HPSE2: variants seen among roughly 807,000 people sequenced by gnomAD.
HPSE2 encodes inactive heparanase-2.
Under a neutral mutation model 60.5 loss-of-function variants are expected in HPSE2, and 38 were observed. The observed-to-expected ratio is 0.63, with a 90% CI of 0.48 to 0.82. HPSE2 has a LOEUF of 0.82. HPSE2 is among the 40% of genes least tolerant of loss of function. The probability of loss-of-function intolerance (pLI) is 0.00; values close to 1 mark genes in which losing one functional copy is unlikely to be tolerated. For synonymous variants in HPSE2, 295 were observed against 293.2 expected, an observed-to-expected ratio of 1.01 and a Z score of -0.06; for missense variants, 713 against 740.4, an observed-to-expected ratio of 0.96 and a Z score of 0.43.
chr10:99,025,516 G>A (rs1205470430), intron 3 of HPSE2, among the ~76,000 whole-genome samples: 1 of 152,044 alleles, frequency 6.6e-6, no homozygotes, highest in East Asian at 1.9e-4. Flanking sequence ...ATACTACACA[G>A]CCATAAAAAA....
chr10:99,177,492 C>T (rs960344707), intron 2 of HPSE2, among the ~76,000 whole-genome samples: 1 of 151,984 alleles, frequency 6.6e-6, no homozygotes, highest in Non-Finnish European at 1.5e-5. Flanking sequence ...ATATAACAGA[C>T]TTTAAACCAA....
intron 3 of HPSE2, among the ~76,000 whole-genome samples, chr10:98,968,043 C>T (rs962451062): frequency 6.6e-6 from 1 of 152,128 alleles, no homozygotes; most frequent in Admixed American, 6.6e-5. Context: ...CTTCCCCCTC[C>T]CTATACATCC....
At chr10:99,086,652 G>A (rs1040236359) in intron 3 of HPSE2, among the ~76,000 whole-genome samples, 4 of 152,064 alleles carry the variant, frequency 2.6e-5, no homozygotes, top group Non-Finnish European at 5.9e-5. Context: ...GCGCCCGGCC[G>A]GAAAAGTACT....
intron 3 of HPSE2, among the ~76,000 whole-genome samples, chr10:99,096,915 A>T (rs1293560892): frequency 6.6e-6 from 1 of 152,190 alleles, no homozygotes; most frequent in African/African-American, 2.4e-5. Context: ...CAGAGACTTG[A>T]GACAAATGCA....
intron 9 of HPSE2, among the ~76,000 whole-genome samples, chr10:98,590,128 C>T (rs540989724): frequency 6.6e-6 from 1 of 152,234 alleles, no homozygotes; most frequent in Non-Finnish European, 1.5e-5. Flanking sequence ...CTAACACCAA[C>T]CCCCAAAGCC....
At chr10:98,586,639 C>T (rs1944947966) in intron 9 of HPSE2, among the ~76,000 whole-genome samples, 1 of 152,158 alleles carries the variant, frequency 6.6e-6, no homozygotes, top group Non-Finnish European at 1.5e-5. Context: ...TTCTGAGACT[C>T]TTTGTAAAAT....
In HPSE2 at chr10:98,914,299, T is replaced by A. The variant is rs184538438; in HGVS notation, c.611-170243A>T. ...GCTCCTCCTTGCTTTCCACCATGAT[T>A]GTGAGGCTTCCCCAGCCAGGTGGAA... On this transcript the variant is annotated intron_variant, in intron 3 of 11. Coordinates refer to ENST00000370552, the MANE Select transcript of HPSE2 (RefSeq NM_021828.5). Among the ~76,000 whole-genome samples the A allele has an allele frequency of 5.9e-5, 9 of 152,232 alleles. No individual in the cohort carries two copies. The East Asian group carries it at 1.7e-3, about 29-fold the overall frequency.
Position 98,504,152 on chromosome 10 carries a change from C to A in HPSE2, c.1321-13956G>T, listed in dbSNP as rs1942117599. On this transcript the variant is annotated intron_variant, in intron 9 of 11. Coordinates refer to ENST00000370552, the MANE Select transcript of HPSE2 (RefSeq NM_021828.5). ...CTTCAGGAATCTATTAGATCTCTAT[C>A]CTCAGTTCTGCACATCATCTCCTTT... is the stretch of plus-strand genomic sequence containing the variant. 2.0e-5 allele frequency among the ~76,000 whole-genome samples: 3 copies of A among 152,116 alleles called. No homozygotes were observed. The South Asian group carries it at 6.2e-4, about 32-fold the overall frequency.
intron 10 of HPSE2, among the ~76,000 whole-genome samples, chr10:98,488,507 G>T (rs543878665): frequency 3.3e-5 from 5 of 152,148 alleles, no homozygotes; most frequent in Admixed American, 1.3e-4. Flanking sequence ...ATGAACACTC[G>T]AGATCACGTG....
chr10:98,927,158 C>T (rs1239038813), intron 3 of HPSE2, among the ~76,000 whole-genome samples: 1 of 151,880 alleles, frequency 6.6e-6, no homozygotes. Context: ...CCTGGGTATC[C>T]TTGTTGACTT....
At chr10:98,958,806 A>C (rs1189276095) in intron 3 of HPSE2, among the ~76,000 whole-genome samples, 2 of 152,150 alleles carry the variant, frequency 1.3e-5, no homozygotes, top group South Asian at 2.1e-4. Context: ...TAATATTAAA[A>C]GTTTATAGTA....
At chr10:99,108,689 T>C (rs994742773) in intron 3 of HPSE2, among the ~76,000 whole-genome samples, 1 of 152,138 alleles carries the variant, frequency 6.6e-6, no homozygotes, top group Admixed American at 6.6e-5. Flanking sequence ...CCCTCCTAGG[T>C]TTATACTGTA....
chr10:98,602,265 C>T (rs189285205), intron 9 of HPSE2, among the ~76,000 whole-genome samples: 1 of 152,250 alleles, frequency 6.6e-6, no homozygotes, highest in Non-Finnish European at 1.5e-5. Context: ...TTTATTTTGA[C>T]AATGGGATAG....
intron 3 of HPSE2, among the ~76,000 whole-genome samples, chr10:99,079,464 T>C (rs1035828860): frequency 2.6e-5 from 4 of 152,166 alleles, no homozygotes; most frequent in South Asian, 2.1e-4. Flanking sequence ...AGTTGGGGTA[T>C]TGGACACATG....
At chr10:99,166,903 G>A (rs918022202) in intron 2 of HPSE2, among the ~76,000 whole-genome samples, 3 of 150,116 alleles carry the variant, frequency 2.0e-5, no homozygotes, top group Non-Finnish European at 3.0e-5. Context: ...TCATTAAAGG[G>A]TCTTTCACAG....
intron 3 of HPSE2, chr10:99,013,500 C>A (rs1957065619): frequency 5.7e-6 from 2 of 353,170 alleles, no homozygotes; most frequent in South Asian, 2.7e-5. Context: ...GAGATACAGT[C>A]TTGCTTTGTC....
At chr10:98,461,541 C>T (rs1940290920) in intron 11 of HPSE2, among the ~76,000 whole-genome samples, 1 of 152,190 alleles carries the variant, frequency 6.6e-6, no homozygotes, top group African/African-American at 2.4e-5. Flanking sequence ...GAGAGTGGTT[C>T]AGTTACAAAA....
chr10:98,922,846 G>C (rs1010121190), intron 3 of HPSE2, among the ~76,000 whole-genome samples: 10 of 152,140 alleles, frequency 6.6e-5, no homozygotes, highest in Admixed American at 3.3e-4. Flanking sequence ...TTATTGTACT[G>C]TCTATGTCTT....
chr10:99,220,980 GATTAC>G, intron 2 of HPSE2, among the ~76,000 whole-genome samples: 1 of 150,872 alleles, frequency 6.6e-6, no homozygotes, highest in African/African-American at 2.4e-5. Context: ...AAGTAGCTGG[GATTAC>G]AGGTGCCCGC....
Sources: gnomAD v4.1 joint callset for allele counts (sites outside exome capture counted in the v4.1 genomes callset) on GRCh38, gnomAD v4.1.1 for gene constraint, MANE v1.5 for transcripts, NCBI Gene and HGNC (gene_info 2026-07-23, HGNC 2026-07-21) for gene names.